Variants in SUCLA2 observed in about 807,000 individuals in gnomAD.
SUCLA2 encodes the protein succinate-CoA ligase ADP-forming subunit beta, also known as succinate--CoA ligase [ADP-forming] subunit beta, mitochondrial.
SUCLA2 carries 30 observed loss-of-function variants against 54.8 expected under a neutral mutation model. The observed-to-expected ratio is 0.55, with a 90% CI of 0.41 to 0.74. The LOEUF (loss-of-function observed/expected upper bound fraction) is 0.74. Among genes scored for constraint, SUCLA2 ranks in the 30% least tolerant of loss-of-function variants. The probability of loss-of-function intolerance (pLI) is 0.00; values close to 1 mark genes in which losing one functional copy is unlikely to be tolerated. For missense variants in SUCLA2, 476 were observed against 562.9 expected, an observed-to-expected ratio of 0.85 and a Z score of 1.56; for synonymous variants, 172 against 188.9, an observed-to-expected ratio of 0.91 and a Z score of 0.74.
Position 47,988,889 on chromosome 13 carries a change from C to T in SUCLA2, c.364G>A (p.Val122Ile), listed in dbSNP as rs1950127818. 6.2e-7 allele frequency: 1 copy of T among 1,612,348 alleles called. No homozygotes were observed. Among genetic ancestry groups the T allele is most frequent in the Non-Finnish European group, 8.5e-7 (1 of 1,179,894 alleles). Residue 122 changes from valine to isoleucine, a missense_variant, in exon 3 of 11, where the codon GTT becomes ATT. Coordinates refer to ENST00000646932, the MANE Select transcript of SUCLA2 (RefSeq NM_003850.3). ...TTAAAAAATGTGACTTACGAGAAAA[C>T]TATCTTCACTCCTCCTTTGAGGCCA... Reference protein sequence around the residue: ...ESGLKGGVKIVFSPEEAKAVS... With the variant: ...ESGLKGGVKIIFSPEEAKAVS...
intron 1 of SUCLA2, among the ~76,000 whole-genome samples, chr13:47,997,710 G>A (rs1383853451): frequency 1.3e-5 from 2 of 152,126 alleles, no homozygotes; most frequent in Non-Finnish European, 2.9e-5. Context: ...TGTTATCCAC[G>A]CATTTCCATA....
intron 6 of SUCLA2, among the ~76,000 whole-genome samples, chr13:47,964,658 C>T (rs957938725): frequency 1.3e-5 from 2 of 152,068 alleles, no homozygotes; most frequent in Non-Finnish European, 2.9e-5. Context: ...GAGATCGAGA[C>T]CATCCTGGCT....
intron 4 of SUCLA2, among the ~76,000 whole-genome samples, chr13:47,975,694 A>C (rs1408093475): frequency 6.6e-6 from 1 of 152,216 alleles, no homozygotes; most frequent in African/African-American, 2.4e-5. Flanking sequence ...ATTTGTAACA[A>C]GGAATTCGGA....
At chr13:47,965,541 G>C (rs1430039858) in intron 6 of SUCLA2, 1 of 388,192 alleles carries the variant, frequency 2.6e-6, no homozygotes, top group Non-Finnish European at 4.5e-6. Flanking sequence ...AAGAAAAACA[G>C]GAACAACAAA....
At chr13:47,950,866 T>TC (rs1949770426) in intron 8 of SUCLA2, among the ~76,000 whole-genome samples, 2 of 152,138 alleles carry the variant, frequency 1.3e-5, no homozygotes, top group African/African-American at 4.8e-5. Context: ...TGAAATACCT[T>TC]CTGTGAATGC....
intron 6 of SUCLA2, chr13:47,965,440 CA>C (rs1949909298): frequency 2.7e-6 from 1 of 371,458 alleles, no homozygotes; most frequent in Non-Finnish European, 4.6e-6. Context: ...GAGGGAACAT[CA>C]AACAGAGAAA....
At chr13:47,962,027 C>G (rs1196399338) in intron 6 of SUCLA2, among the ~76,000 whole-genome samples, 1 of 152,156 alleles carries the variant, frequency 6.6e-6, no homozygotes, top group African/African-American at 2.4e-5. Flanking sequence ...ATAAAGATTG[C>G]TAACCCAATA....
Position 48,000,709 on chromosome 13 carries a change from C to T in SUCLA2, c.90+471G>A, listed in dbSNP as rs183743698. ...GAGAGGGGAAACTTCCCTACCTTGC[C>T]CCACAAAAGGCAAGTCAGTAAGCAC... On this transcript the variant is annotated intron_variant, in intron 1 of 10. Coordinates refer to ENST00000646932, the MANE Select transcript of SUCLA2 (RefSeq NM_003850.3). Among the ~76,000 whole-genome samples the T allele has an allele frequency of 2.2e-4, 34 of 152,316 alleles. No homozygotes were observed. The East Asian group carries it at 6.4e-3, about 29-fold the overall frequency.
intron 6 of SUCLA2, among the ~76,000 whole-genome samples, chr13:47,957,706 G>A (rs977716389): frequency 6.6e-6 from 1 of 152,194 alleles, no homozygotes; most frequent in Non-Finnish European, 1.5e-5. Flanking sequence ...AACTGTTTCA[G>A]TAAGAACATT....
chr13:47,990,601 T>C (rs911267200), intron 2 of SUCLA2, among the ~76,000 whole-genome samples: 2 of 152,148 alleles, frequency 1.3e-5, no homozygotes, highest in African/African-American at 4.8e-5. Flanking sequence ...AAAATAACCT[T>C]TGAGATCAGG....
chr13:47,958,848 T>C (rs1008486272), intron 6 of SUCLA2, among the ~76,000 whole-genome samples: 2 of 152,228 alleles, frequency 1.3e-5, no homozygotes, highest in Non-Finnish European at 2.9e-5. Flanking sequence ...CTAATATATG[T>C]TTTCAGAAGT....
Position 47,958,967 on chromosome 13 carries a change from C to T in SUCLA2, c.803-4410G>A, listed in dbSNP as rs374740705. ...AAATTTTGAAATTATTTTTGATGCTCATTGGATATCTGGGTCATTTCCAGT... is the reference window on the plus strand; with the variant it reads ...AAATTTTGAAATTATTTTTGATGCTTATTGGATATCTGGGTCATTTCCAGT... On this transcript the variant is annotated intron_variant, in intron 6 of 10. Coordinates refer to ENST00000646932, the MANE Select transcript of SUCLA2 (RefSeq NM_003850.3). Among the ~76,000 whole-genome samples the T allele has an allele frequency of 6.1e-4, 93 of 152,174 alleles. 1 individual carries two copies. In the South Asian group the frequency reaches 0.015, roughly 24 times the overall value.
chr13:47,950,576 C>T lies in SUCLA2; in HGVS notation c.1108-973G>A, dbSNP rs1303779642. Among the ~76,000 whole-genome samples the T allele has an allele frequency of 4.6e-4, 70 of 152,108 alleles. 1 individual carries two copies. Among genetic ancestry groups the T allele is most frequent in the Admixed American group, 4.5e-3 (69 of 15,274 alleles). ...TACATTTCACATCCAAATCTCAGGA[C>T]CTGTTTGGGTCAGCATTCTTTCAAC... On this transcript the variant is annotated intron_variant, in intron 8 of 10. Transcript: ENST00000646932.
chr13:47,971,726 A>C, intron 5 of SUCLA2: 1 of 393,580 alleles, frequency 2.5e-6, no homozygotes, highest in South Asian at 1.4e-4. Context: ...TATTATGGAG[A>C]TATATAAGAC....
intron 6 of SUCLA2, among the ~76,000 whole-genome samples, chr13:47,962,316 T>C (rs1306933614): frequency 6.6e-6 from 1 of 152,222 alleles, no homozygotes; most frequent in Non-Finnish European, 1.5e-5. Flanking sequence ...ATGGAAAATG[T>C]GTTTATTTGC....
chr13:47,961,361 T>A (rs1023800473), intron 6 of SUCLA2, among the ~76,000 whole-genome samples: 1 of 152,160 alleles, frequency 6.6e-6, no homozygotes, highest in African/African-American at 2.4e-5. Context: ...CTCCTCTCTA[T>A]GAAAAAGTAA....
At chr13:47,984,828 G>A (rs35535367) in intron 4 of SUCLA2, among the ~76,000 whole-genome samples, 6,131 of 151,976 alleles carry the variant, frequency 0.04, 264 homozygotes, top group African/African-American at 0.098. Flanking sequence ...AAAATCACAC[G>A]AAGTAAAATT....
intron 6 of SUCLA2, among the ~76,000 whole-genome samples, chr13:47,962,071 A>G (rs1487783294): frequency 2.0e-5 from 3 of 152,216 alleles, no homozygotes; most frequent in Non-Finnish European, 4.4e-5. Context: ...CATGGACTGA[A>G]ATAATGAAGA....
intron 6 of SUCLA2, among the ~76,000 whole-genome samples, chr13:47,965,275 T>C (rs1055455106): frequency 2.0e-5 from 3 of 151,940 alleles, no homozygotes; most frequent in South Asian, 2.1e-4. Flanking sequence ...ACAAATTTCA[T>C]AGTAATTACA....
Sources: gnomAD v4.1 joint callset for allele counts (sites outside exome capture counted in the v4.1 genomes callset) on GRCh38, gnomAD v4.1.1 for gene constraint, MANE v1.5 for transcripts, NCBI Gene and HGNC (gene_info 2026-07-23, HGNC 2026-07-21) for gene names.